The following DAPK1 variants were observed in gnomAD, a reference collection of about 807,000 sequenced individuals.
DAPK1 encodes death associated protein kinase 1.
In DAPK1, 56 loss-of-function variants were observed where a neutral mutation model predicts 144.9. The ratio of observed to expected loss-of-function variants is 0.39; its 90% CI spans 0.31 to 0.48. The LOEUF (loss-of-function observed/expected upper bound fraction) is 0.48, where lower values mean the gene tolerates loss of function less well. DAPK1 is among the 20% of genes least tolerant of loss of function. The probability of loss-of-function intolerance (pLI) is 0.95; values close to 1 mark genes in which losing one functional copy is unlikely to be tolerated. For missense variants in DAPK1, 1,454 were observed against 1,875.4 expected, an observed-to-expected ratio of 0.78 and a Z score of 4.15; for synonymous variants, 690 against 749.0, an observed-to-expected ratio of 0.92 and a Z score of 1.29.
At chr9:87,627,047 T>G (rs1829516212) in intron 3 of DAPK1, among the ~76,000 whole-genome samples, 1 of 152,142 alleles carries the variant, frequency 6.6e-6, no homozygotes, top group South Asian at 2.1e-4. Flanking sequence ...CAGTGTATTT[T>G]TAAGAGACCA....
intron 19 of DAPK1, among the ~76,000 whole-genome samples, chr9:87,670,054 C>A (rs1440653623): frequency 3.9e-5 from 6 of 152,074 alleles, no homozygotes; most frequent in Non-Finnish European, 1.5e-5. Flanking sequence ...CCTGTTCTTA[C>A]CAGAAATTCA....
At chr9:87,619,179 A>G (rs1487400354) in intron 3 of DAPK1, among the ~76,000 whole-genome samples, 6 of 152,006 alleles carry the variant, frequency 3.9e-5, no homozygotes, top group East Asian at 3.9e-4. Context: ...TGGATTTCCT[A>G]CCCACTCCAG....
chr9:87,699,293 A>G (rs191841302), intron 23 of DAPK1, among the ~76,000 whole-genome samples: 1 of 152,296 alleles, frequency 6.6e-6, no homozygotes, highest in East Asian at 1.9e-4. Context: ...GACTTCTTTT[A>G]GCTGTTTAGA....
rs547021080 is a variant in DAPK1, at chr9:87,498,965, A to G, written c.-108-5A>G. 3.1e-4 allele frequency: 233 copies of G among 760,122 alleles called. 3 individuals carry two copies. The Admixed American group carries it at 4.9e-3, about 16-fold the overall frequency. The allele number at this position is 760,122 out of a possible 1,614,324, so 47.1% of individuals were successfully genotyped here. A position where few individuals can be genotyped will look rare whatever the true frequency, so the allele number is the denominator to read the frequency against. ...TTATTATTGCCTTTTTTTTTTCTTC[A>G]AAAGGACTGGAGACTGATGCATGAG... On this transcript the variant is annotated splice_polypyrimidine_tract_variant and splice_region_variant and intron_variant, in intron 1 of 25. Coordinates refer to ENST00000408954, the MANE Select transcript of DAPK1 (RefSeq NM_004938.4).
chr9:87,620,493 C>G (rs1401935515), intron 3 of DAPK1, among the ~76,000 whole-genome samples: 1 of 149,914 alleles, frequency 6.7e-6, no homozygotes, highest in African/African-American at 2.4e-5. Context: ...GTCCTCTGTC[C>G]TGGGATTTCC....
In DAPK1 at chr9:87,612,892, T is replaced by C. The variant is rs565566012; in HGVS notation, c.284+7717T>C. ...GTCACCTGAGTAGCTCTGGATCACA[T>C]GTCTGAAAGGTTACCATGTTAAGAA... is the stretch of plus-strand genomic sequence containing the variant. On this transcript the variant is annotated intron_variant, in intron 3 of 25. Transcript: ENST00000408954. Among the ~76,000 whole-genome samples the C allele has an allele frequency of 3.9e-5, 6 of 152,310 alleles. No homozygotes were observed. In the East Asian group the frequency reaches 7.7e-4, roughly 20 times the overall value.
chr9:87,499,258 C>A, intron 2 of DAPK1, 119 bp downstream of exon 2: 2 of 901,568 alleles, frequency 2.2e-6, no homozygotes, highest in Non-Finnish European at 3.5e-6. Context: ...TCTGGAGATG[C>A]GCAAATCATA....
At chr9:87,624,941 G>A (rs147318822) in intron 3 of DAPK1, among the ~76,000 whole-genome samples, 2 of 152,314 alleles carry the variant, frequency 1.3e-5, no homozygotes, top group East Asian at 3.9e-4. Context: ...GCCACAGCGT[G>A]GTTGGCGTTC....
At position 87,668,528 on chromosome 9, in the gene DAPK1, A is replaced by T. The variant is rs1414574177; in HGVS notation, c.1924-69A>T. 8.0e-6 allele frequency: 7 copies of T among 878,822 alleles called. No homozygotes were observed. The African/African-American group carries it at 1.1e-4, about 14-fold the overall frequency. 54.4% of individuals were successfully genotyped at this position (878,822 alleles called of 1,614,324 possible). The stretch of plus-strand genomic sequence containing the variant: ...GCTTGTTTCTGCCTCAGACCCACGG[A>T]ATTGGCGTATGGAACACACACAGCT... On this transcript the variant is annotated intron_variant, in intron 18 of 25. Transcript: ENST00000408954.
At chr9:87,507,111 G>A (rs989546993) in intron 2 of DAPK1, 6 of 152,208 alleles carry the variant, frequency 3.9e-5, no homozygotes, top group East Asian at 3.8e-4. Flanking sequence ...ATAGTGACGC[G>A]GGTTTGTCAC....
intron 2 of DAPK1, among the ~76,000 whole-genome samples, chr9:87,544,008 T>C (rs1455978994): frequency 6.6e-6 from 1 of 152,176 alleles, no homozygotes; most frequent in Non-Finnish European, 1.5e-5. Context: ...ATTCAATCTA[T>C]GAAATTATTT....
Position 87,706,004 on chromosome 9 carries a change from C to G in DAPK1, c.3061-128C>G. ...TTGAGACGCATCCACGTGGAATGGCCTTGGGTCACTCCTTAGAGCATCTGC... is the reference window on the plus strand; with the variant it reads ...TTGAGACGCATCCACGTGGAATGGCGTTGGGTCACTCCTTAGAGCATCTGC... On this transcript the variant is annotated intron_variant, in intron 25 of 25. Transcript: ENST00000408954. The surrounding 1 kb of genome is among the most constrained non-coding windows in gnomAD (Gnocchi z 9.0). The G allele has an allele frequency of 2.9e-6, 2 of 685,746 alleles. No homozygotes were observed. The highest frequency in any genetic ancestry group is 2.6e-6 in the Non-Finnish European group (1 of 390,274). The allele number at this position is 685,746 out of a possible 1,614,324, so 42.5% of individuals were successfully genotyped here. A position where few individuals can be genotyped will look rare whatever the true frequency, so the allele number is the denominator to read the frequency against.
chr9:87,542,824 C>A (rs1433160663), intron 2 of DAPK1, among the ~76,000 whole-genome samples: 1 of 152,222 alleles, frequency 6.6e-6, no homozygotes, highest in African/African-American at 2.4e-5. Flanking sequence ...GAACCCCTCA[C>A]TGGGCCTTCA....
chr9:87,663,723 C>T (rs1830944765), intron 18 of DAPK1, among the ~76,000 whole-genome samples: 1 of 152,096 alleles, frequency 6.6e-6, no homozygotes, highest in South Asian at 2.1e-4. Flanking sequence ...TCCCTGCTTG[C>T]CCCTGAGTGC....
At chr9:87,580,797 A>G (rs550976221) in intron 2 of DAPK1, among the ~76,000 whole-genome samples, 1 of 152,324 alleles carries the variant, frequency 6.6e-6, no homozygotes, top group East Asian at 1.9e-4. Context: ...TCTCCCACAT[A>G]GGACCGAGCG....
At chr9:87,619,968 C>T (rs956026390) in intron 3 of DAPK1, among the ~76,000 whole-genome samples, 2 of 152,220 alleles carry the variant, frequency 1.3e-5, no homozygotes, top group Non-Finnish European at 2.9e-5. Context: ...CAGCATCCTC[C>T]ATGGCACTCA....
rs200775158 is a variant in DAPK1, at chr9:87,607,087, TA to T, written c.284+1915del. 5.9e-3 allele frequency among the ~76,000 whole-genome samples: 895 copies of T among 152,176 alleles called. 12 individuals carry two copies. The highest frequency in any genetic ancestry group is 0.021 in the African/African-American group (860 of 41,488). ...CCCTCGTAACTGAGAACTCTGGCTT[TA>T]AAGGAAGAACAGAGCTTTAAGGGGC... On this transcript the variant is annotated intron_variant, in intron 3 of 25. Coordinates refer to ENST00000408954, the MANE Select transcript of DAPK1 (RefSeq NM_004938.4).
chr9:87,535,422 GC>G (rs1276528304), intron 2 of DAPK1, among the ~76,000 whole-genome samples: 1 of 152,126 alleles, frequency 6.6e-6, no homozygotes, highest in African/African-American at 2.4e-5. Flanking sequence ...AAAATTATAA[GC>G]CCTGCTAAGC....
chr9:87,552,597 CT>C, intron 2 of DAPK1, among the ~76,000 whole-genome samples: 1 of 151,582 alleles, frequency 6.6e-6, no homozygotes, highest in African/African-American at 2.4e-5. Context: ...TAAAATGTAC[CT>C]CTTTTTTTTT....
Sources: allele counts gnomAD v4.1 joint callset (sites outside exome capture counted in the v4.1 genomes callset), GRCh38; gene constraint gnomAD v4.1.1; non-coding constraint Gnocchi (gnomAD v3.1); transcripts MANE v1.5; gene names NCBI Gene and HGNC (gene_info 2026-07-23, HGNC 2026-07-21).